The following STK32C variants were observed in gnomAD, a reference collection of about 807,000 sequenced individuals.
STK32C encodes the protein serine/threonine kinase 32C, also known as serine/threonine-protein kinase 32C.
STK32C carries 31 observed loss-of-function variants against 56.5 expected under a neutral mutation model. The ratio of observed to expected loss-of-function variants is 0.55; its 90% CI spans 0.41 to 0.74. The LOEUF is 0.74. Among genes scored for constraint, STK32C ranks in the 30% least tolerant of loss-of-function variants. The probability of loss-of-function intolerance (pLI) is 0.00; values close to 1 mark genes in which losing one functional copy is unlikely to be tolerated. For missense variants in STK32C, 544 were observed against 676.9 expected (o/e 0.80, Z 2.18); for synonymous variants, 309 against 289.4 (o/e 1.07, Z -0.69).
intron 1 of STK32C, among the ~76,000 whole-genome samples, chr10:132,303,260 C>T (rs769534135): frequency 2.6e-5 from 4 of 152,182 alleles, no homozygotes; most frequent in East Asian, 3.8e-4. Flanking sequence ...TCTCACTCTC[C>T]GTCAAGCGAT....
chr10:132,236,329 GGA>G (rs2063293048), intron 2 of STK32C, among the ~76,000 whole-genome samples: 1 of 152,242 alleles, frequency 6.6e-6, no homozygotes, highest in African/African-American at 2.4e-5. Context: ...CCGCGGTCCT[GGA>G]TGCCACAACC....
chr10:132,330,408 C>A, intron 1 of STK32C: 1 of 717,052 alleles, frequency 1.4e-6, no homozygotes, highest in East Asian at 2.7e-5. Flanking sequence ...CCATGTCACT[C>A]CTCATTCTCT....
Position 132,307,667 on chromosome 10 carries a change from C to G in STK32C, c.167G>C (p.Arg56Pro). 2.0e-6 allele frequency: 3 copies of G among 1,533,252 alleles called. No homozygotes were observed. Among genetic ancestry groups the G allele is most frequent in the Non-Finnish European group, 2.6e-6 (3 of 1,142,006 alleles). 95.0% of individuals were successfully genotyped at this position (1,533,252 alleles called of 1,614,324 possible). A position where few individuals can be genotyped will look rare whatever the true frequency, so the allele number is the denominator to read the frequency against. Reference protein sequence around the residue: ...RDSGDVRSQPRPLFQWSKWKK... With the variant: ...RDSGDVRSQPPPLFQWSKWKK... ...CCACTTGCTCCACTGAAACAGGGGGCGCGGCTGCGAGCGGACATCGCCCGA... is the reference window on the plus strand; with the variant it reads ...CCACTTGCTCCACTGAAACAGGGGGGGCGGCTGCGAGCGGACATCGCCCGA... The change falls in exon 1 of 12, where the codon CGC (arginine) becomes CCC (proline). Residue 56 changes from arginine (R) to proline (P), a missense_variant. Around this residue, in one of 3 missense-constraint regions of STK32C, gnomAD observed 182 missense variants for 217.7 expected, o/e 0.84. Transcript: ENST00000298630. The surrounding 1 kb of genome is among the most constrained non-coding windows in gnomAD (Gnocchi z 4.4).
chr10:132,253,756 G>A (rs2064006599), intron 1 of STK32C, among the ~76,000 whole-genome samples: 1 of 152,244 alleles, frequency 6.6e-6, no homozygotes, highest in Non-Finnish European at 1.5e-5. Context: ...GCGAGAGATG[G>A]CCAAGACGTC....
chr10:132,223,056 A>C, intron 8 of STK32C, 70 bp from the exon 9 acceptor site: 1 of 1,507,148 alleles, frequency 6.6e-7, no homozygotes, highest in Non-Finnish European at 8.9e-7. Flanking sequence ...CGCCACCCCC[A>C]GGCCAGGGCA....
At chr10:132,266,498 G>T (rs1026075173) in intron 1 of STK32C, among the ~76,000 whole-genome samples, 20 of 152,192 alleles carry the variant, frequency 1.3e-4, no homozygotes, top group Non-Finnish European at 2.2e-4. Context: ...AGATCATCTA[G>T]ATCAGGGACA....
At chr10:132,294,707 C>T (rs558423160) in intron 1 of STK32C, among the ~76,000 whole-genome samples, 1 of 152,288 alleles carries the variant, frequency 6.6e-6, no homozygotes, top group South Asian at 2.1e-4. Flanking sequence ...AGCTCAGCCT[C>T]TGATCCAGGC....
chr10:132,273,727 T>C (rs2064907205), intron 1 of STK32C, among the ~76,000 whole-genome samples: 1 of 152,100 alleles, frequency 6.6e-6, no homozygotes, highest in Admixed American at 6.6e-5. Flanking sequence ...GAACACACGG[T>C]GAGTGAATGA....
At chr10:132,305,526 G>A (rs1371053366) in intron 1 of STK32C, among the ~76,000 whole-genome samples, 1 of 152,168 alleles carries the variant, frequency 6.6e-6, no homozygotes, top group Non-Finnish European at 1.5e-5. Context: ...CAGCACCAGG[G>A]CCTCCTTAAG....
intron 1 of STK32C, among the ~76,000 whole-genome samples, chr10:132,306,028 A>G (rs1365482889): frequency 6.6e-6 from 1 of 152,238 alleles, no homozygotes; most frequent in East Asian, 1.9e-4. Context: ...TGAGCCCCAC[A>G]GACAGACTCT....
intron 1 of STK32C, among the ~76,000 whole-genome samples, chr10:132,254,349 G>A (rs1489229310): frequency 6.6e-6 from 1 of 152,216 alleles, no homozygotes; most frequent in Non-Finnish European, 1.5e-5. Flanking sequence ...CTTTTCATAA[G>A]CCAGGGCTTG....
upstream of STK32C, chr10:132,307,964 C>G (rs1042223260): frequency 8.2e-5 from 83 of 1,006,694 alleles, no homozygotes; most frequent in Middle Eastern, 5.1e-4. This position sits in a 1 kb window ranked among gnomAD's most constrained non-coding sequence, Gnocchi z 4.4. Flanking sequence ...CGGTGGAACC[C>G]GCCCCGTAGA....
intron 1 of STK32C, among the ~76,000 whole-genome samples, chr10:132,283,377 G>A (rs1010455379): frequency 4.6e-5 from 7 of 152,240 alleles, no homozygotes; most frequent in South Asian, 4.1e-4. Flanking sequence ...TTGGCAGAAC[G>A]CAGACGAGGC....
Position 132,224,482 on chromosome 10 carries a change from C to A in STK32C, c.918G>T (p.Leu306=). 1.3e-6 allele frequency: 2 copies of A among 1,585,556 alleles called. No individual in the cohort carries two copies. The highest frequency in any genetic ancestry group is 2.3e-5 in the East Asian group (1 of 43,742). ...CGCTCACGGTGCTGAACAGCTGCAC[C>A]AGGGACTCCACGGCGTTGCTGGAGT... ...DIHSSNAVES[L]VQLFSTVSVQ... is the part of the protein sequence containing the mutation. Residue 306 remains leucine (L), a synonymous_variant, in exon 8 of 12, where the codon CTG becomes CTT. Transcript: ENST00000298630.
At chr10:132,270,542 AG>A (rs1457636385) in intron 1 of STK32C, among the ~76,000 whole-genome samples, 2 of 152,216 alleles carry the variant, frequency 1.3e-5, no homozygotes, top group East Asian at 3.9e-4. Flanking sequence ...TGGGAACCGC[AG>A]GGTATGGCCG....
At chr10:132,283,937 C>A (rs953942944) in intron 1 of STK32C, among the ~76,000 whole-genome samples, 16 of 152,166 alleles carry the variant, frequency 1.1e-4, no homozygotes, top group Non-Finnish European at 2.9e-5. Context: ...ACGGGTGCAG[C>A]CCCCACCTGA....
At chr10:132,256,266 G>A (rs1482744044) in intron 1 of STK32C, among the ~76,000 whole-genome samples, 2 of 151,960 alleles carry the variant, frequency 1.3e-5, no homozygotes, top group Non-Finnish European at 2.9e-5. Flanking sequence ...CGGGGTCCTG[G>A]TGCCTACACC....
At chr10:132,233,329 C>CA (rs2063163354) in intron 2 of STK32C, among the ~76,000 whole-genome samples, 1 of 152,190 alleles carries the variant, frequency 6.6e-6, no homozygotes, top group South Asian at 2.1e-4. Context: ...CCTCCTGCCC[C>CA]TCCTGAGACC....
At chr10:132,244,246 G>A (rs929638102) in intron 2 of STK32C, among the ~76,000 whole-genome samples, 7 of 152,156 alleles carry the variant, frequency 4.6e-5, no homozygotes, top group East Asian at 1.9e-4. Flanking sequence ...CCAGGTGCAC[G>A]ACTACCCCGC....
Sources: allele counts gnomAD v4.1 joint callset (sites outside exome capture counted in the v4.1 genomes callset), GRCh38; gene constraint gnomAD v4.1.1; regional missense constraint gnomAD v4.1.1; non-coding constraint Gnocchi (gnomAD v3.1); transcripts MANE v1.5; gene names NCBI Gene and HGNC (gene_info 2026-07-23, HGNC 2026-07-21).